The following POMK variants were observed in gnomAD, a reference collection of about 807,000 sequenced individuals.
POMK encodes the protein Sugen kinase 196.
Under a neutral mutation model 23.0 loss-of-function variants are expected in POMK, and 19 were observed. That is an observed-to-expected ratio of 0.83 (90% confidence interval 0.58 to 1.21). The LOEUF (loss-of-function observed/expected upper bound fraction) is 1.21, where lower values mean the gene tolerates loss of function less well. Among genes scored for constraint, POMK ranks in the 50% most tolerant of loss-of-function variants. The pLI is 0.00. For missense variants in POMK, 410 were observed against 431.3 expected (o/e 0.95, Z 0.44); for synonymous variants, 173 against 171.6 (o/e 1.01, Z -0.06).
At chr8:43,102,347 G>A (rs1811461591) in intron 2 of POMK, among the ~76,000 whole-genome samples, 158 bp from the exon 3 acceptor site, 2 of 152,200 alleles carry the variant, frequency 1.3e-5, no homozygotes, top group Non-Finnish European at 2.9e-5. Flanking sequence ...GCTTCCCCAC[G>A]GCCCTGCTCT....
intron 4 of POMK, among the ~76,000 whole-genome samples, chr8:43,114,408 C>T (rs1811750051): frequency 6.6e-6 from 1 of 152,362 alleles, no homozygotes; most frequent in South Asian, 2.1e-4. Flanking sequence ...GTAGGACCCT[C>T]CGAGCCACGT....
chr8:43,114,019 T>C (rs1359904778), intron 4 of POMK, among the ~76,000 whole-genome samples: 1 of 152,232 alleles, frequency 6.6e-6, no homozygotes, highest in Non-Finnish European at 1.5e-5. Context: ...AGTCTGCCCC[T>C]ACTGGGGGCT....
At chr8:43,102,298 A>G (rs950634074) in intron 2 of POMK, among the ~76,000 whole-genome samples, 1 of 152,114 alleles carries the variant, frequency 6.6e-6, no homozygotes, top group African/African-American at 2.4e-5. Flanking sequence ...TCAGTGATGG[A>G]GAAGAAGAGA....
At chr8:43,099,764 G>C (rs1811401150) in intron 2 of POMK, among the ~76,000 whole-genome samples, 1 of 152,180 alleles carries the variant, frequency 6.6e-6, no homozygotes, top group Non-Finnish European at 1.5e-5. Flanking sequence ...GTAACACACT[G>C]TTTGTAGTAA....
chr8:43,103,444 A>T, intron 3 of POMK, 84 bp from the exon 4 acceptor site: 9 of 1,302,966 alleles, frequency 6.9e-6, no homozygotes, highest in Non-Finnish European at 9.8e-6. Context: ...ACCCTTGAGT[A>T]GAAGAGGCAT....
chr8:43,103,961 A>G (rs1191968351), intron 4 of POMK, 131 bp downstream of exon 4: 22 of 888,416 alleles, frequency 2.5e-5, no homozygotes, highest in South Asian at 8.1e-5. Context: ...ACTCCATTGC[A>G]TATGTGCACC....
At chr8:43,099,454 A>G (rs1411501049) in intron 2 of POMK, among the ~76,000 whole-genome samples, 1 of 152,208 alleles carries the variant, frequency 6.6e-6, no homozygotes, top group Non-Finnish European at 1.5e-5. Flanking sequence ...CAGAGGCCTG[A>G]GCTCTGAACT....
At chr8:43,097,274 G>C (rs1407363683) in intron 1 of POMK, among the ~76,000 whole-genome samples, 3 of 152,160 alleles carry the variant, frequency 2.0e-5, no homozygotes, top group Non-Finnish European at 2.9e-5. Flanking sequence ...TTTCTCCCAG[G>C]TTCCTGGGCT....
chr8:43,120,096 C>G (rs1382722800), intron 4 of POMK, among the ~76,000 whole-genome samples: 5 of 151,896 alleles, frequency 3.3e-5, no homozygotes, highest in African/African-American at 1.2e-4. Flanking sequence ...ATAAAGACAA[C>G]TAAGGCATTA....
intron 4 of POMK, among the ~76,000 whole-genome samples, chr8:43,113,958 C>A (rs542286134): frequency 6.6e-6 from 1 of 152,320 alleles, no homozygotes; most frequent in African/African-American, 2.4e-5. Context: ...GCTGTCTGAT[C>A]GTTCCTCTGG....
At chr8:43,098,113 G>T (rs1405982883) in intron 2 of POMK, among the ~76,000 whole-genome samples, 1 of 152,050 alleles carries the variant, frequency 6.6e-6, no homozygotes, top group Non-Finnish European at 1.5e-5. Context: ...AATGTTAGGG[G>T]GAGACTTCAA....
chr8:43,107,191 T>C lies in POMK; in HGVS notation c.282+3361T>C, dbSNP rs77447758. Among the ~76,000 whole-genome samples the C allele has an allele frequency of 4.5e-3, 691 of 152,218 alleles. 9 individuals carry two copies. The highest frequency in any genetic ancestry group is 0.016 in the African/African-American group (660 of 41,550). On this transcript the variant is annotated intron_variant, in intron 4 of 4. Transcript: ENST00000331373. The stretch of plus-strand genomic sequence containing the variant: ...TGGGGACTTATAGTCCACAAAAATA[T>C]TAGGATTTAGTCTAAATTGAAGAAA...
At chr8:43,115,768 T>G (rs1482009243) in intron 4 of POMK, among the ~76,000 whole-genome samples, 1 of 152,248 alleles carries the variant, frequency 6.6e-6, no homozygotes, top group Non-Finnish European at 1.5e-5. Flanking sequence ...CAAAATCCTT[T>G]GGTGCTCTCT....
intron 1 of POMK, among the ~76,000 whole-genome samples, chr8:43,097,310 A>T (rs1334828263): frequency 6.6e-6 from 1 of 152,198 alleles, no homozygotes; most frequent in Non-Finnish European, 1.5e-5. Context: ...TGGGGAGCAC[A>T]GTTTGAGAAT....
chr8:43,105,118 TTAC>T (rs1242666512), intron 4 of POMK, among the ~76,000 whole-genome samples: 2 of 152,250 alleles, frequency 1.3e-5, no homozygotes, highest in African/African-American at 4.8e-5. Flanking sequence ...CCATACCTAC[TTAC>T]AGTGTGTAGT....
chr8:43,109,242 T>C (rs1811601328), intron 4 of POMK, among the ~76,000 whole-genome samples: 1 of 152,156 alleles, frequency 6.6e-6, no homozygotes, highest in African/African-American at 2.4e-5. Flanking sequence ...ACTCAAAAAT[T>C]TTCAAAAGGA....
chr8:43,122,535 C>T lies in POMK; in HGVS notation c.711C>T (p.Ser237=), dbSNP rs1341074443. 1.1e-5 allele frequency: 18 copies of T among 1,614,184 alleles called. No individual in the cohort carries two copies. Among genetic ancestry groups the T allele is most frequent in the Non-Finnish European group, 1.5e-5 (18 of 1,180,026 alleles). The change falls in exon 5 of 5, where the codon AGC becomes AGT. Residue 237 remains serine (S), a synonymous_variant. Transcript: ENST00000331373. The part of the protein sequence containing the change: ...DLDALPLVNH[S]SGMLVKCGHR... ...ACGCCTTACCCCTGGTGAACCACAGCTCCGGGATGCTGGTGAAGTGCGGCC... is the reference window on the plus strand; with the variant it reads ...ACGCCTTACCCCTGGTGAACCACAGTTCCGGGATGCTGGTGAAGTGCGGCC...
chr8:43,117,586 A>G (rs1811825330), intron 4 of POMK, among the ~76,000 whole-genome samples: 1 of 152,338 alleles, frequency 6.6e-6, no homozygotes, highest in South Asian at 2.1e-4. Context: ...CCAGTAATTA[A>G]TAAGCACAAG....
intron 4 of POMK, among the ~76,000 whole-genome samples, chr8:43,117,868 A>G (rs1217438990): frequency 2.6e-5 from 4 of 152,216 alleles, no homozygotes; most frequent in Non-Finnish European, 4.4e-5. Flanking sequence ...AATGATGGCA[A>G]TAGATATTTG....
Sources: allele counts gnomAD v4.1 joint callset (sites outside exome capture counted in the v4.1 genomes callset), GRCh38; gene constraint gnomAD v4.1.1; transcripts MANE v1.5; gene names NCBI Gene and HGNC (gene_info 2026-07-23, HGNC 2026-07-21).